Variants in PLD1 observed in about 807,000 individuals in gnomAD.
The protein encoded by PLD1 is choline phosphatase 1.
Under a neutral mutation model 137.1 loss-of-function variants are expected in PLD1, and 112 were observed. That is an observed-to-expected ratio of 0.82 (90% confidence interval 0.70 to 0.96). PLD1 has a LOEUF of 0.96. Among genes scored for constraint, PLD1 ranks in the 40% least tolerant of loss-of-function variants. PLD1 has a pLI of 0.00. For missense variants in PLD1, 1,321 were observed against 1,342.0 expected (o/e 0.98, Z 0.24); for synonymous variants, 431 against 454.7 (o/e 0.95, Z 0.66).
intron 23 of PLD1, among the ~76,000 whole-genome samples, chr3:171,631,141 T>G (rs7620874): frequency 1.3e-5 from 2 of 152,058 alleles, no homozygotes; most frequent in Non-Finnish European, 2.9e-5. Flanking sequence ...AAGTTAACAA[T>G]GTAATCAAAC....
intron 3 of PLD1, among the ~76,000 whole-genome samples, chr3:171,736,756 T>C (rs1033499684): frequency 6.6e-6 from 1 of 152,148 alleles, no homozygotes; most frequent in African/African-American, 2.4e-5. Flanking sequence ...GTGGTGGCCT[T>C]ACTCTGCCAT....
chr3:171,685,805 C>T (rs987780125), intron 16 of PLD1, among the ~76,000 whole-genome samples: 1 of 152,126 alleles, frequency 6.6e-6, no homozygotes, highest in African/African-American at 2.4e-5. Context: ...CAGCATGACA[C>T]ATCCACCCAA....
At chr3:171,801,452 G>A (rs140622980) in intron 1 of PLD1, among the ~76,000 whole-genome samples, 200 of 152,252 alleles carry the variant, frequency 1.3e-3, no homozygotes, top group African/African-American at 4.6e-3. Context: ...GTTTTGAGAC[G>A]GAGTCTCGCT....
rs774065609 is a variant in PLD1 at position 171,735,474 on chromosome 3, TA to T, written c.434+17del. 3.7e-6 allele frequency: 6 copies of T among 1,607,052 alleles called. No individual in the cohort carries two copies. The highest frequency in any genetic ancestry group is 1.7e-4 in the Middle Eastern group (1 of 6,044). On this transcript the variant is annotated intron_variant, in intron 4 of 26. Transcript: ENST00000351298. ...CATTCAACTTGTATACTGGCATAAT[TA>T]ATTCCAAAATGGTTACCTTCTAGTG... is the stretch of plus-strand genomic sequence containing the variant.
At chr3:171,660,221 T>C (rs976011111) in intron 20 of PLD1, among the ~76,000 whole-genome samples, 2 of 152,242 alleles carry the variant, frequency 1.3e-5, no homozygotes, top group African/African-American at 4.8e-5. Context: ...CTATATAAGC[T>C]TTTATACTTA....
intron 11 of PLD1, among the ~76,000 whole-genome samples, chr3:171,706,722 G>T (rs1273966213): frequency 6.6e-6 from 1 of 152,102 alleles, no homozygotes; most frequent in Non-Finnish European, 1.5e-5. Flanking sequence ...TTTGCAATAT[G>T]CTTGTACAAC....
At chr3:171,683,084 AT>A (rs1375177235) in intron 16 of PLD1, among the ~76,000 whole-genome samples, 1 of 152,020 alleles carries the variant, frequency 6.6e-6, no homozygotes, top group African/African-American at 2.4e-5. Context: ...TTGTCCTCAA[AT>A]TTTCCTTGCT....
intron 4 of PLD1, 75 bp downstream of exon 4, chr3:171,735,417 T>A (rs1719281744): frequency 7.9e-7 from 1 of 1,268,214 alleles, no homozygotes; most frequent in African/African-American, 1.5e-5. Context: ...ATTACAGGTG[T>A]GAGCTACCAC....
intron 21 of PLD1, among the ~76,000 whole-genome samples, chr3:171,657,446 A>C (rs1157801019): frequency 6.6e-6 from 1 of 152,234 alleles, no homozygotes; most frequent in East Asian, 1.9e-4. Context: ...ATGAAATATA[A>C]TGGTTTTGCT....
At chr3:171,741,167 T>C (rs1719749443) in intron 1 of PLD1, among the ~76,000 whole-genome samples, 1 of 152,220 alleles carries the variant, frequency 6.6e-6, no homozygotes, top group African/African-American at 2.4e-5. Context: ...GCCTTTTACT[T>C]TTATGGTTTA....
At chr3:171,703,122 G>A (rs775386403) in intron 11 of PLD1, among the ~76,000 whole-genome samples, 2 of 151,944 alleles carry the variant, frequency 1.3e-5, no homozygotes, top group African/African-American at 2.4e-5. Context: ...AACAAATGCA[G>A]AAGAAATGAT....
At chr3:171,713,179 GC>G (rs1229208973) in intron 9 of PLD1, among the ~76,000 whole-genome samples, 3 of 152,240 alleles carry the variant, frequency 2.0e-5, no homozygotes, top group Admixed American at 2.0e-4. Flanking sequence ...ATCTTTCTTG[GC>G]CAGGCGGAGT....
At chr3:171,780,065 T>C (rs755400586) in intron 1 of PLD1, among the ~76,000 whole-genome samples, 12 of 152,042 alleles carry the variant, frequency 7.9e-5, no homozygotes, top group Non-Finnish European at 1.8e-4. Context: ...GGGGTTTATA[T>C]ACATAAGTCT....
chr3:171,697,320 C>T (rs1227602117), intron 12 of PLD1, among the ~76,000 whole-genome samples: 1 of 146,652 alleles, frequency 6.8e-6, no homozygotes, highest in Admixed American at 6.9e-5. Flanking sequence ...TCTCGACTCA[C>T]TGCAAGCTCC....
intron 16 of PLD1, among the ~76,000 whole-genome samples, chr3:171,678,130 C>T (rs1227693662): frequency 1.3e-5 from 2 of 152,150 alleles, no homozygotes; most frequent in Non-Finnish European, 2.9e-5. Context: ...GCAATAAAGA[C>T]ACCATGCCAC....
intron 19 of PLD1, among the ~76,000 whole-genome samples, chr3:171,669,818 G>C (rs1397446604): frequency 6.6e-6 from 1 of 152,178 alleles, no homozygotes; most frequent in Non-Finnish European, 1.5e-5. Context: ...ACAATCCTGT[G>C]AGACAGATAC....
intron 1 of PLD1, among the ~76,000 whole-genome samples, chr3:171,801,905 A>T (rs1723663828): frequency 6.6e-6 from 1 of 152,230 alleles, no homozygotes; most frequent in Admixed American, 6.5e-5. Context: ...TTATACACCC[A>T]CATGACAGAT....
At chr3:171,751,058 T>C (rs1240249825) in intron 1 of PLD1, among the ~76,000 whole-genome samples, 1 of 151,786 alleles carries the variant, frequency 6.6e-6, no homozygotes, top group Non-Finnish European at 1.5e-5. Context: ...AAAAAAATAA[T>C]GGAGAAAAAT....
intron 1 of PLD1, among the ~76,000 whole-genome samples, chr3:171,778,599 T>A (rs1036802507): frequency 1.3e-5 from 2 of 152,052 alleles, no homozygotes; most frequent in Non-Finnish European, 2.9e-5. Flanking sequence ...TCTGTAATCA[T>A]CTGGGAAAAG....
Sources: gnomAD v4.1 joint callset for allele counts (sites outside exome capture counted in the v4.1 genomes callset) on GRCh38, gnomAD v4.1.1 for gene constraint, MANE v1.5 for transcripts, NCBI Gene and HGNC (gene_info 2026-07-23, HGNC 2026-07-21) for gene names.